Variants in AFG2A observed in about 807,000 individuals in gnomAD.
AFG2A encodes the protein ATPase family gene 2 protein homolog A.
the AFG2A span, among the ~76,000 whole-genome samples, chr4:123,222,573 T>G: frequency 6.6e-6 from 1 of 152,202 alleles, no homozygotes; most frequent in Non-Finnish European, 1.5e-5. Flanking sequence ...TTAAAAATTT[T>G]TTTTCAGTGT....
At chr4:122,933,911 T>C in the AFG2A span, among the ~76,000 whole-genome samples, 1 of 152,222 alleles carries the variant, frequency 6.6e-6, no homozygotes, top group Non-Finnish European at 1.5e-5. Context: ...AGAGAATCAT[T>C]TCCTTCTGTC....
chr4:122,939,193 C>A, the AFG2A span, among the ~76,000 whole-genome samples: 18 of 145,504 alleles, frequency 1.2e-4, no homozygotes, highest in African/African-American at 4.0e-4. Flanking sequence ...TCAAGCAATT[C>A]TCCTGCCTCA....
chr4:122,999,869 A>G, the AFG2A span, among the ~76,000 whole-genome samples: 40 of 151,834 alleles, frequency 2.6e-4, no homozygotes, highest in South Asian at 6.6e-3. Context: ...CTTGATGGGG[A>G]TGGCATTGAA....
chr4:123,187,198 G>C, the AFG2A span, among the ~76,000 whole-genome samples: 5 of 152,268 alleles, frequency 3.3e-5, no homozygotes, highest in East Asian at 7.7e-4. Context: ...GGTTTCTGCT[G>C]TTGTTCTTTA....
the AFG2A span, among the ~76,000 whole-genome samples, chr4:123,038,588 C>T: frequency 6.6e-6 from 1 of 152,162 alleles, no homozygotes; most frequent in African/African-American, 2.4e-5. Flanking sequence ...TCATAAAACT[C>T]GAGACCAATG....
At chr4:122,923,418 G>T in the AFG2A span, 7 of 1,418,732 alleles carry the variant, frequency 4.9e-6, no homozygotes, top group Middle Eastern at 2.1e-4. Context: ...GCGTGGCATG[G>T]GTCTGAGAGC....
the AFG2A span, among the ~76,000 whole-genome samples, chr4:122,973,453 TG>T: frequency 1.3e-5 from 2 of 151,592 alleles, no homozygotes; most frequent in African/African-American, 4.9e-5. Flanking sequence ...CCCACTTGTA[TG>T]TTTTTTTTCC....
At chr4:123,046,785 CCCT>C in the AFG2A span, among the ~76,000 whole-genome samples, 3 of 152,004 alleles carry the variant, frequency 2.0e-5, no homozygotes, top group Non-Finnish European at 4.4e-5. Context: ...TTTTTCATCT[CCCT>C]CCTCCTCTCT....
At chr4:123,137,512 ACAAT>A in the AFG2A span, among the ~76,000 whole-genome samples, 11 of 152,302 alleles carry the variant, frequency 7.2e-5, no homozygotes, top group South Asian at 1.2e-3. Flanking sequence ...AGATTTTAAC[ACAAT>A]CAATCCACTT....
the AFG2A span, among the ~76,000 whole-genome samples, chr4:123,192,014 A>G: frequency 6.6e-6 from 1 of 151,754 alleles, no homozygotes; most frequent in East Asian, 1.9e-4. Context: ...ACACAAAATC[A>G]TATAGTCTTT....
At chr4:123,273,774 A>C in the AFG2A span, among the ~76,000 whole-genome samples, 1 of 152,206 alleles carries the variant, frequency 6.6e-6, no homozygotes, top group Non-Finnish European at 1.5e-5. Context: ...ATGTAGATGA[A>C]ACACAAATGA....
At chr4:123,010,643 T>C in the AFG2A span, among the ~76,000 whole-genome samples, 1 of 152,232 alleles carries the variant, frequency 6.6e-6, no homozygotes, top group Non-Finnish European at 1.5e-5. Flanking sequence ...TTGTAACGCA[T>C]GGGCCCCACA....
At chr4:123,025,384 A>G in the AFG2A span, among the ~76,000 whole-genome samples, 7 of 152,206 alleles carry the variant, frequency 4.6e-5, no homozygotes, top group African/African-American at 1.7e-4. Flanking sequence ...GTAGTGGAGT[A>G]TGCTGTGATG....
chr4:123,293,303 A>T, the AFG2A span, among the ~76,000 whole-genome samples: 1 of 152,152 alleles, frequency 6.6e-6, no homozygotes, highest in African/African-American at 2.4e-5. Flanking sequence ...GTAGAATGAC[A>T]GTCTTTCTAC....
the AFG2A span, among the ~76,000 whole-genome samples, chr4:122,997,302 G>T: frequency 3.9e-5 from 6 of 152,078 alleles, no homozygotes; most frequent in Admixed American, 6.6e-5. Context: ...CCTGTGCCCT[G>T]TACTTACTAC....
chr4:123,035,376 T>A, the AFG2A span, among the ~76,000 whole-genome samples: 1 of 152,190 alleles, frequency 6.6e-6, no homozygotes. Context: ...TGTTTTTTTT[T>A]AACTTTAAAA....
chr4:123,262,835 G>A, the AFG2A span, among the ~76,000 whole-genome samples: 7 of 152,292 alleles, frequency 4.6e-5, no homozygotes, highest in Admixed American at 3.3e-4. Context: ...ATCTACTGAT[G>A]TGCAGAATGC....
the AFG2A span, among the ~76,000 whole-genome samples, chr4:123,225,924 C>T: frequency 0.023 from 3,541 of 152,278 alleles, 71 homozygotes; most frequent in African/African-American, 0.055. Context: ...AGAGGTCCTT[C>T]ACATCCTTTG....
At chr4:123,297,684 A>T in the AFG2A span, among the ~76,000 whole-genome samples, 1 of 151,196 alleles carries the variant, frequency 6.6e-6, no homozygotes, top group Admixed American at 6.6e-5. Flanking sequence ...GTGCCACTGC[A>T]CTCCAGCCTG....
Sources: gnomAD v4.1 joint callset for allele counts (sites outside exome capture counted in the v4.1 genomes callset) on GRCh38, gnomAD v4.1.1 for gene constraint, MANE v1.5 for transcripts, NCBI Gene and HGNC (gene_info 2026-07-23, HGNC 2026-07-21) for gene names.